Variants in PHLDB2 observed in about 807,000 individuals in gnomAD.
PHLDB2 encodes the protein pleckstrin homology-like domain family B member 2.
In PHLDB2, 71 loss-of-function variants were observed where a neutral mutation model predicts 123.6. That is an observed-to-expected ratio of 0.57 (90% CI 0.47 to 0.70). The LOEUF is 0.70. Ranked by LOEUF, PHLDB2 falls within the 30% of genes least tolerant of loss-of-function variation. PHLDB2 has a pLI of 0.00. For synonymous variants in PHLDB2, 547 were observed against 541.6 expected, an observed-to-expected ratio of 1.01 and a Z score of -0.14; for missense variants, 1,446 against 1,519.5, an observed-to-expected ratio of 0.95 and a Z score of 0.80.
intron 13 of PHLDB2, among the ~76,000 whole-genome samples, chr3:111,965,606 T>C (rs1340421374): frequency 6.6e-6 from 1 of 152,244 alleles, no homozygotes; most frequent in African/African-American, 2.4e-5. Flanking sequence ...TGCCAGGTTC[T>C]ATGCTACAGG....
At chr3:111,896,354 C>G (rs2066866148) in intron 2 of PHLDB2, among the ~76,000 whole-genome samples, 1 of 87,518 alleles carries the variant, frequency 1.1e-5, no homozygotes. Flanking sequence ...TTTTTTCTTC[C>G]CCCGCCCCGA....
chr3:111,867,518 C>A (rs765533269), intron 1 of PHLDB2, among the ~76,000 whole-genome samples: 1 of 151,920 alleles, frequency 6.6e-6, no homozygotes, highest in Non-Finnish European at 1.5e-5. Context: ...CTCACTTTAC[C>A]CTAAAACATG....
intron 12 of PHLDB2, among the ~76,000 whole-genome samples, chr3:111,960,400 A>C: frequency 6.6e-6 from 1 of 152,360 alleles, no homozygotes; most frequent in Non-Finnish European, 1.5e-5. Flanking sequence ...ATAATGGCAG[A>C]TTATATTAAA....
At chr3:111,919,027 A>G in intron 3 of PHLDB2, 45 bp from the exon 4 acceptor site, 2 of 1,598,290 alleles carry the variant, frequency 1.3e-6, no homozygotes. Context: ...GGGAAATTCT[A>G]GAACTGAGGT....
At chr3:111,869,983 G>T (rs991382321) in intron 1 of PHLDB2, among the ~76,000 whole-genome samples, 1 of 152,182 alleles carries the variant, frequency 6.6e-6, no homozygotes, top group South Asian at 2.1e-4. Flanking sequence ...AGAGGAGTTG[G>T]AATCCATTTG....
intron 2 of PHLDB2, among the ~76,000 whole-genome samples, chr3:111,893,471 C>A (rs1479464804): frequency 6.6e-6 from 1 of 152,060 alleles, no homozygotes. Context: ...TGGCTCAAGA[C>A]TTTTGAAAGG....
At chr3:111,923,488 A>T (rs918919538) in intron 5 of PHLDB2, among the ~76,000 whole-genome samples, 1 of 152,156 alleles carries the variant, frequency 6.6e-6, no homozygotes, top group African/African-American at 2.4e-5. Context: ...GCTGGTGACT[A>T]TCATAGGGAT....
chr3:111,783,368 T>G (rs1373067388), intron 1 of PHLDB2, among the ~76,000 whole-genome samples: 1 of 152,132 alleles, frequency 6.6e-6, no homozygotes, highest in Non-Finnish European at 1.5e-5. Context: ...TAAGCTCTAT[T>G]TATCTTAGTA....
chr3:111,839,557 C>A (rs997304398), intron 1 of PHLDB2, among the ~76,000 whole-genome samples: 2 of 152,102 alleles, frequency 1.3e-5, no homozygotes, highest in African/African-American at 2.4e-5. Context: ...GATTTTATGG[C>A]CTGTGAGTTT....
At chr3:111,945,179 C>A in intron 8 of PHLDB2, 89 bp from the exon 9 acceptor site, 2 of 849,240 alleles carry the variant, frequency 2.4e-6, no homozygotes, top group Non-Finnish European at 3.9e-6. Flanking sequence ...ATGTGAGAAT[C>A]TGATGTTAGT....
intron 2 of PHLDB2, among the ~76,000 whole-genome samples, chr3:111,898,184 G>T (rs865878719): frequency 2.1e-5 from 3 of 141,204 alleles, no homozygotes; most frequent in African/African-American, 8.9e-5. Flanking sequence ...GTGTGTGTTT[G>T]TGTGTGTGTG....
At chr3:111,755,657 T>A (rs1432742344) in intron 1 of PHLDB2, among the ~76,000 whole-genome samples, 1 of 136,876 alleles carries the variant, frequency 7.3e-6, no homozygotes, top group Non-Finnish European at 1.5e-5. Context: ...TTCCTTCAGT[T>A]CCGCTCTGAT....
chr3:111,790,781 C>CT (rs201439111), intron 1 of PHLDB2, among the ~76,000 whole-genome samples: 3,742 of 152,054 alleles, frequency 0.025, 64 homozygotes, highest in Non-Finnish European at 0.03. Flanking sequence ...ACTTTTAAAA[C>CT]TTTTTTAAAA....
chr3:111,839,651 AT>A (rs1486235161), intron 1 of PHLDB2, among the ~76,000 whole-genome samples: 4 of 151,656 alleles, frequency 2.6e-5, no homozygotes, highest in Admixed American at 1.3e-4. Flanking sequence ...CTGTGAATCG[AT>A]TTTTTTCTTT....
At chr3:111,901,314 C>T (rs1270251628) in intron 2 of PHLDB2, among the ~76,000 whole-genome samples, 10 of 150,432 alleles carry the variant, frequency 6.6e-5, no homozygotes, top group African/African-American at 2.5e-4. Flanking sequence ...GAGCCAAGAT[C>T]GCACCATTGC....
chr3:111,770,109 G>A (rs1403290783), intron 1 of PHLDB2, among the ~76,000 whole-genome samples: 1 of 152,158 alleles, frequency 6.6e-6, no homozygotes, highest in Non-Finnish European at 1.5e-5. Flanking sequence ...GAGAAAAACA[G>A]GCCAGAGCCA....
At chr3:111,857,635 G>A (rs2064580168), upstream of PHLDB2, among the ~76,000 whole-genome samples, 1 of 152,018 alleles carries the variant, frequency 6.6e-6, no homozygotes, top group Non-Finnish European at 1.5e-5. Flanking sequence ...CTTCTGCAGG[G>A]CAAAAACTCA....
At chr3:111,958,352 C>A in intron 12 of PHLDB2, 1 of 941,482 alleles carries the variant, frequency 1.1e-6, no homozygotes, top group Non-Finnish European at 1.3e-6. Flanking sequence ...CCTCTTAACC[C>A]CAGGTTATAC....
At chr3:111,775,542 T>TAATCA (rs2060253991) in intron 1 of PHLDB2, among the ~76,000 whole-genome samples, 1 of 152,182 alleles carries the variant, frequency 6.6e-6, no homozygotes, top group South Asian at 2.1e-4. Flanking sequence ...AATTACACAA[T>TAATCA]AATCAATTCA....
Sources: gnomAD v4.1 joint callset for allele counts (sites outside exome capture counted in the v4.1 genomes callset) on GRCh38, gnomAD v4.1.1 for gene constraint, MANE v1.5 for transcripts, NCBI Gene and HGNC (gene_info 2026-07-23, HGNC 2026-07-21) for gene names.